Variants in TREML2 observed in about 807,000 individuals in gnomAD.
TREML2 encodes the protein trem-like transcript 2 protein.
Under a neutral mutation model 25.9 loss-of-function variants are expected in TREML2, and 24 were observed. The observed-to-expected ratio is 0.93, with a 90% CI of 0.67 to 1.30. The LOEUF (loss-of-function observed/expected upper bound fraction) is 1.30. Ranked by LOEUF, TREML2 falls within the 50% of genes most tolerant of loss-of-function variation. The pLI is 0.00. For missense variants in TREML2, 359 were observed against 395.6 expected (o/e 0.91, Z 0.78); for synonymous variants, 139 against 155.2 (o/e 0.90, Z 0.77).
chr6:41,194,643 G>A lies in TREML2; in HGVS notation c.567C>T (p.Gly189=). ...TGGTGCTGGTAGCAGTGAAGCTGTA[G>A]CCTGTCTTGGAGGCAGGTCTGGTGG... ...LASTRPASKT[G]YSFTATSTTS... Residue 189 remains glycine (G), a synonymous_variant, in exon 3 of 5, where the codon GGC becomes GGT. Transcript: ENST00000483722. 1 of 1,614,054 alleles carries A rather than the reference G, an allele frequency of 6.2e-7. No homozygotes were observed. Among genetic ancestry groups the A allele is most frequent in the Non-Finnish European group, 8.5e-7 (1 of 1,179,980 alleles).
At chr6:41,199,448 A>T (rs1344737902) in intron 1 of TREML2, among the ~76,000 whole-genome samples, 5 of 152,212 alleles carry the variant, frequency 3.3e-5, no homozygotes, top group Admixed American at 3.3e-4. Flanking sequence ...ATACATGTAA[A>T]CAAACTCCCA....
intron 2 of TREML2, among the ~76,000 whole-genome samples, chr6:41,197,580 TC>T (rs1766190854): frequency 2.0e-5 from 3 of 152,068 alleles, no homozygotes; most frequent in Non-Finnish European, 4.4e-5. Context: ...CTTCAGTAGC[TC>T]CCCCACCACC....
In TREML2 at chr6:41,192,792, T is replaced by A; in HGVS notation, c.886+9A>T. The A allele has an allele frequency of 6.2e-7, 1 of 1,609,842 alleles. No homozygotes were observed. Among genetic ancestry groups the A allele is most frequent in the Non-Finnish European group, 8.5e-7 (1 of 1,177,274 alleles). On this transcript the variant is annotated intron_variant, in intron 4 of 4. Coordinates refer to ENST00000483722, the MANE Select transcript of TREML2 (RefSeq NM_024807.4). ...GCCCTCAGGAGGCTGGGAGGTGGGC[T>A]CTACTCACTTGCCATGTGTCTCTTC...
intron 3 of TREML2, among the ~76,000 whole-genome samples, chr6:41,193,510 T>C (rs1196655984): frequency 6.6e-6 from 1 of 152,076 alleles, no homozygotes; most frequent in Non-Finnish European, 1.5e-5. Flanking sequence ...GGGATTAGGC[T>C]CTTGTTGTGC....
Position 41,190,797 on chromosome 6 carries a change from G to A in TREML2, c.*1630C>T, listed in dbSNP as rs1421734400. On this transcript the variant is annotated 3_prime_UTR_variant, in exon 5 of 5. Transcript: ENST00000483722. ...GGATGGTGGCTACACCGTCATGATA[G>A]GGAGAACAGCTATCTTAGGAGGCTG... 1.3e-5 allele frequency: 2 copies of A among 152,304 alleles called. No individual in the cohort carries two copies. The highest frequency in any genetic ancestry group is 6.5e-5 in the Admixed American group (1 of 15,284). 9.4% of individuals were successfully genotyped at this position (152,304 alleles called of 1,614,324 possible).
chr6:41,191,312 A>G lies in TREML2; in HGVS notation c.*1115T>C, dbSNP rs1181324070. 6.6e-6 allele frequency: 1 copy of G among 151,954 alleles called. No homozygotes were observed. Among genetic ancestry groups the G allele is most frequent in the African/African-American group, 2.4e-5 (1 of 41,282 alleles). 9.4% of individuals were successfully genotyped at this position (151,954 alleles called of 1,614,324 possible). A position where few individuals can be genotyped will look rare whatever the true frequency, so the allele number is the denominator to read the frequency against. ...AGAGGCTGAGTCTGAGCCCTGAGTC[A>G]GTGGGTGGGAGGCAGATTCCTCGGG... On this transcript the variant is annotated 3_prime_UTR_variant, in exon 5 of 5. Coordinates refer to ENST00000483722, the MANE Select transcript of TREML2 (RefSeq NM_024807.4).
Position 41,197,231 on chromosome 6 carries a change from A to G in TREML2, c.376+878T>C, listed in dbSNP as rs1233639495. ...CTCTACCCGTGTTCATACCATTCAC[A>G]ATCCATCCTCAACAAGTGGCCACTA... On this transcript the variant is annotated intron_variant, in intron 2 of 4. Transcript: ENST00000483722. Among the ~76,000 whole-genome samples, 4 of 152,186 alleles carry G rather than the reference A, an allele frequency of 2.6e-5. No individual in the cohort carries two copies. In the South Asian group the frequency reaches 8.3e-4, roughly 31 times the overall value.
In TREML2 at chr6:41,194,780, T is replaced by C. The variant is rs3747742; in HGVS notation, c.430A>G (p.Ser144Gly). ...PFTHLDNILK[S>G]GTVTTGQAPT... Reference sequence around the variant, plus strand: ...GCTTGGCCAGTTGTGACAGTTCCACTCTTGAGGATGTTGTCCAGATGTGTG... The same window carrying C: ...GCTTGGCCAGTTGTGACAGTTCCACCCTTGAGGATGTTGTCCAGATGTGTG... The change falls in exon 3 of 5, where the codon AGT becomes GGT. Residue 144 changes from serine (S) to glycine (G), a missense_variant. Transcript: ENST00000483722. The C allele has an allele frequency of 0.31, 490,687 of 1,607,176 alleles. 76,242 individuals are homozygous for C. Among genetic ancestry groups the C allele is most frequent in the Admixed American group, 0.42 (24,708 of 59,038 alleles).
At chr6:41,197,103 G>C (rs1352267164) in intron 2 of TREML2, among the ~76,000 whole-genome samples, 1 of 152,168 alleles carries the variant, frequency 6.6e-6, no homozygotes, top group African/African-American at 2.4e-5. Flanking sequence ...TGAACAGAAA[G>C]TCTGAAAAAC....
At position 41,200,940 on chromosome 6, in the gene TREML2, C is replaced by A; in HGVS notation, c.55+14G>T. The A allele has an allele frequency of 3.3e-6, 5 of 1,533,620 alleles. No homozygotes were observed. The highest frequency in any genetic ancestry group is 4.4e-6 in the Non-Finnish European group (5 of 1,141,560). ...CCACTCCCTCCTCCACAAGTCAGCCCCTTCTCCCCTCACCTGAGACGCAAC... is the reference window on the plus strand; with the variant it reads ...CCACTCCCTCCTCCACAAGTCAGCCACTTCTCCCCTCACCTGAGACGCAAC... On this transcript the variant is annotated intron_variant, in intron 1 of 4. Transcript: ENST00000483722.
rs1245734690 is a variant in TREML2, at chr6:41,192,082, C to A, written c.*345G>T. ...AGCCCAATAGGGTTTCTGAGGCAGA[C>A]GGGAGCTGAGGTTCTCTGTAAACAG... On this transcript the variant is annotated 3_prime_UTR_variant, in exon 5 of 5. Coordinates refer to ENST00000483722, the MANE Select transcript of TREML2 (RefSeq NM_024807.4). 1.7e-5 allele frequency: 5 copies of A among 286,250 alleles called. No homozygotes were observed. In the East Asian group the frequency reaches 3.5e-4, roughly 20 times the overall value. The allele number at this position is 286,250 out of a possible 1,614,324, so 17.7% of individuals were successfully genotyped here.
rs769957038 is a variant in TREML2, at chr6:41,194,511, C to T, written c.699G>A (p.Gly233=). ...AGPESISTKS[G]DLSTRSPTTG... ...TGGTGGGCGATCTGGTGCTGAGGTC[C>T]CCAGACTTAGTGGAGATGGATTCTG... The change falls in exon 3 of 5, where the codon GGG becomes GGA. Residue 233 remains glycine, a synonymous_variant. Transcript: ENST00000483722. 6.2e-7 allele frequency: 1 copy of T among 1,613,694 alleles called. No individual in the cohort carries two copies. The highest frequency in any genetic ancestry group is 8.5e-7 in the Non-Finnish European group (1 of 1,179,910).
chr6:41,195,200 A>T (rs999360294), intron 2 of TREML2, among the ~76,000 whole-genome samples: 3 of 152,168 alleles, frequency 2.0e-5, no homozygotes, highest in Non-Finnish European at 4.4e-5. Flanking sequence ...GAACTTTTCC[A>T]GCTATTCCAT....
chr6:41,200,615 G>A (rs551469945), intron 1 of TREML2, among the ~76,000 whole-genome samples: 1 of 152,196 alleles, frequency 6.6e-6, no homozygotes, highest in Non-Finnish European at 1.5e-5. Flanking sequence ...TGCAATGATT[G>A]CTGTCATAAC....
intron 2 of TREML2, among the ~76,000 whole-genome samples, chr6:41,196,198 T>A (rs1234074620): frequency 6.6e-6 from 1 of 152,232 alleles, no homozygotes; most frequent in Non-Finnish European, 1.5e-5. Flanking sequence ...AAGCATATAA[T>A]GTTTAATGTT....
chr6:41,192,943 TC>T, intron 3 of TREML2, 42 bp from the exon 4 acceptor site: 1 of 1,481,318 alleles, frequency 6.8e-7, no homozygotes, highest in Non-Finnish European at 9.0e-7. Context: ...AGCACCAAGG[TC>T]CCCCATCCTA....
At chr6:41,196,474 C>G (rs552905442) in intron 2 of TREML2, among the ~76,000 whole-genome samples, 3 of 152,288 alleles carry the variant, frequency 2.0e-5, no homozygotes, top group African/African-American at 7.2e-5. Flanking sequence ...AAGGACCCCA[C>G]GGCTTGGTGC....
In TREML2 at chr6:41,194,777, C is replaced by T; in HGVS notation, c.433G>A (p.Gly145Arg). Residue 145 changes from glycine (G) to arginine (R), a missense_variant, in exon 3 of 5, where the codon GGA becomes AGA. Coordinates refer to ENST00000483722, the MANE Select transcript of TREML2 (RefSeq NM_024807.4). ...GGGGCTTGGCCAGTTGTGACAGTTCCACTCTTGAGGATGTTGTCCAGATGT... is the reference window on the plus strand; with the variant it reads ...GGGGCTTGGCCAGTTGTGACAGTTCTACTCTTGAGGATGTTGTCCAGATGT... The part of the protein sequence containing the change: ...FTHLDNILKS[G>R]TVTTGQAPTS... 1 of 1,609,490 alleles carries T rather than the reference C, an allele frequency of 6.2e-7. No individual in the cohort carries two copies. Among genetic ancestry groups the T allele is most frequent in the Non-Finnish European group, 8.5e-7 (1 of 1,177,800 alleles).
In TREML2 at chr6:41,191,581, G is replaced by C. The variant is rs1032530892; in HGVS notation, c.*846C>G. 6.6e-6 allele frequency: 1 copy of C among 152,262 alleles called. No individual in the cohort carries two copies. The highest frequency in any genetic ancestry group is 2.4e-5 in the African/African-American group (1 of 41,434). The allele number at this position is 152,262 out of a possible 1,614,324, so 9.4% of individuals were successfully genotyped here. On this transcript the variant is annotated 3_prime_UTR_variant, in exon 5 of 5. Transcript: ENST00000483722. Reference sequence around the variant, plus strand: ...GAGCCAAGGTCTCAGCCACCCCAGGGTATGGACTTCCTGGAGGCTGCTGGG... The same window carrying C: ...GAGCCAAGGTCTCAGCCACCCCAGGCTATGGACTTCCTGGAGGCTGCTGGG...
Sources: gnomAD v4.1 joint callset for allele counts (sites outside exome capture counted in the v4.1 genomes callset) on GRCh38, gnomAD v4.1.1 for gene constraint, MANE v1.5 for transcripts, NCBI Gene and HGNC (gene_info 2026-07-23, HGNC 2026-07-21) for gene names.